The following ENTPD1 variants were observed in gnomAD, a reference collection of about 807,000 sequenced individuals.
ENTPD1 encodes the protein ectonucleoside triphosphate diphosphohydrolase 1, also known as ATP diphosphohydrolase.
A neutral mutation model predicts 57.0 loss-of-function variants in ENTPD1; 33 were observed. The observed-to-expected ratio is 0.58, with a 90% CI of 0.44 to 0.77. The LOEUF is 0.77. ENTPD1 is among the 30% of genes least tolerant of loss of function. ENTPD1 has a pLI of 0.00. For missense variants in ENTPD1, 501 were observed against 603.4 expected, an observed-to-expected ratio of 0.83 and a Z score of 1.78; for synonymous variants, 202 against 218.8, an observed-to-expected ratio of 0.92 and a Z score of 0.68.
chr10:95,831,169 C>A (rs2098395536), intron 2 of ENTPD1, among the ~76,000 whole-genome samples: 1 of 152,186 alleles, frequency 6.6e-6, no homozygotes, highest in Admixed American at 6.5e-5. Context: ...AGAGAAAACT[C>A]CGAATGCTTC....
intron 1 of ENTPD1, among the ~76,000 whole-genome samples, chr10:95,746,647 G>A (rs979488065): frequency 2.0e-5 from 3 of 152,122 alleles, no homozygotes; most frequent in African/African-American, 7.2e-5. Flanking sequence ...AAGGGACGGG[G>A]CATTTTTTGA....
chr10:95,799,649 A>G (rs2098240606), intron 1 of ENTPD1, among the ~76,000 whole-genome samples: 1 of 152,196 alleles, frequency 6.6e-6, no homozygotes, highest in South Asian at 2.1e-4. Flanking sequence ...TTGGGTATAT[A>G]TCCAGTAATG....
intron 6 of ENTPD1, chr10:95,846,413 AC>A (rs1199775066): frequency 2.6e-5 from 4 of 152,188 alleles, no homozygotes; most frequent in Admixed American, 2.6e-4. Flanking sequence ...GAAAAAGAAA[AC>A]AAAAGTTAAA....
At chr10:95,697,773 G>T in the ENTPD1 span, among the ~76,000 whole-genome samples, 1 of 152,292 alleles carries the variant, frequency 6.6e-6, no homozygotes, top group South Asian at 2.1e-4. Flanking sequence ...TGTAAGAAAT[G>T]AATTCCTTTT....
intron 1 of ENTPD1, among the ~76,000 whole-genome samples, chr10:95,790,239 T>C (rs1049338989): frequency 5.3e-5 from 8 of 152,234 alleles, no homozygotes; most frequent in African/African-American, 1.7e-4. Flanking sequence ...GGGTTATAAA[T>C]GTATTTTCAC....
Position 95,872,044 on chromosome 10 carries a change from C to T in ENTPD1, c.*5661C>T, listed in dbSNP as rs1590234019. 2.1e-5 allele frequency: 21 copies of T among 985,428 alleles called. No homozygotes were observed. Among genetic ancestry groups the T allele is most frequent in the Non-Finnish European group, 2.5e-5 (21 of 829,924 alleles). The allele number at this position is 985,428 out of a possible 1,614,324, so 61.0% of individuals were successfully genotyped here. Reference sequence around the variant, plus strand: ...TGCCTCAATGAACCAAGATCAGCTCCATCACTGGGACCTCCCCATTCTGCC... The same window carrying T: ...TGCCTCAATGAACCAAGATCAGCTCTATCACTGGGACCTCCCCATTCTGCC... On this transcript the variant is annotated 3_prime_UTR_variant, in exon 10 of 10. Coordinates refer to ENST00000371205, the MANE Select transcript of ENTPD1 (RefSeq NM_001776.6).
rs1028875527 is a variant in ENTPD1 at position 95,867,390 on chromosome 10, T to C, written c.*1007T>C. On this transcript the variant is annotated 3_prime_UTR_variant, in exon 10 of 10. Coordinates refer to ENST00000371205, the MANE Select transcript of ENTPD1 (RefSeq NM_001776.6). ...GACTATCCTGGGTAGGCAGAAACCATAGATCTTTTGTGTTTACAGCTATGG... is the reference window on the plus strand; with the variant it reads ...GACTATCCTGGGTAGGCAGAAACCACAGATCTTTTGTGTTTACAGCTATGG... 4.1e-6 allele frequency: 4 copies of C among 985,324 alleles called. No homozygotes were observed. The highest frequency in any genetic ancestry group is 6.1e-5 in the Admixed American group (1 of 16,262). The allele number at this position is 985,324 out of a possible 1,614,324, so 61.0% of individuals were successfully genotyped here.
At position 95,869,189 on chromosome 10, in the gene ENTPD1, GT is replaced by G. The variant is rs372882297; in HGVS notation, c.*2814del. The G allele has an allele frequency of 5.1e-6, 5 of 977,264 alleles. No homozygotes were observed. The South Asian group carries it at 1.4e-4, about 28-fold the overall frequency. 60.5% of individuals were successfully genotyped at this position (977,264 alleles called of 1,614,324 possible). ...TTAAAGATTCCTTTATAAGGTGGGAGTTTTTTTTCTATGAACCTATAGGGGA... is the reference window on the plus strand; with the variant it reads ...TTAAAGATTCCTTTATAAGGTGGGAGTTTTTTTCTATGAACCTATAGGGGA... On this transcript the variant is annotated 3_prime_UTR_variant, in exon 10 of 10. Transcript: ENST00000371205.
Position 95,876,948 on chromosome 10 carries a change from A to T in ENTPD1, c.*10565A>T, listed in dbSNP as rs1345150799. The stretch of plus-strand genomic sequence containing the variant: ...GAATCATTATGTGATGCAACATGGC[A>T]AAAGTATACAGACAGTGCATCCAGA... On this transcript the variant is annotated 3_prime_UTR_variant, in exon 10 of 10. Transcript: ENST00000371205. 6.6e-6 allele frequency among the ~76,000 whole-genome samples: 1 copy of T among 152,228 alleles called. No homozygotes were observed. Among genetic ancestry groups the T allele is most frequent in the Non-Finnish European group, 1.5e-5 (1 of 68,046 alleles).
At chr10:95,830,278 A>T (rs956761413) in intron 2 of ENTPD1, among the ~76,000 whole-genome samples, 2 of 152,162 alleles carry the variant, frequency 1.3e-5, no homozygotes, top group Admixed American at 1.3e-4. Flanking sequence ...TCAGCAGCTC[A>T]GTATGGTTAG....
At chr10:95,710,527 A>T (rs1323722320), upstream of ENTPD1, among the ~76,000 whole-genome samples, 12 of 152,312 alleles carry the variant, frequency 7.9e-5, no homozygotes, top group East Asian at 2.3e-3. Context: ...TAGAAAACAA[A>T]TGTTTAGTAG....
At chr10:95,825,358 T>C (rs2098370918) in intron 2 of ENTPD1, among the ~76,000 whole-genome samples, 1 of 152,232 alleles carries the variant, frequency 6.6e-6, no homozygotes, top group Non-Finnish European at 1.5e-5. Context: ...TTATAAAATC[T>C]AGAATAAGAA....
Position 95,875,896 on chromosome 10 carries a change from G to C in ENTPD1, c.*9513G>C, listed in dbSNP as rs2098485284. On this transcript the variant is annotated 3_prime_UTR_variant, in exon 10 of 10. Transcript: ENST00000371205. ...CCCCTTGATTCAATTACCTCCCCCTGGGTCCTGTGGGAATTCTGGAAGGTA... is the reference window on the plus strand; with the variant it reads ...CCCCTTGATTCAATTACCTCCCCCTCGGTCCTGTGGGAATTCTGGAAGGTA... 2 of 848,584 alleles carry C rather than the reference G, an allele frequency of 2.4e-6. No individual in the cohort carries two copies. Among genetic ancestry groups the C allele is most frequent in the Middle Eastern group, 6.1e-4 (1 of 1,632 alleles). 52.6% of individuals were successfully genotyped at this position (848,584 alleles called of 1,614,324 possible).
chr10:95,788,146 T>G (rs2098188018), intron 1 of ENTPD1, among the ~76,000 whole-genome samples: 1 of 152,164 alleles, frequency 6.6e-6, no homozygotes, highest in Non-Finnish European at 1.5e-5. Flanking sequence ...GACTAGTTCA[T>G]CTAGGCATTA....
In ENTPD1 at chr10:95,841,401, A is replaced by G. The variant is rs532046571; in HGVS notation, c.263-943A>G. Among the ~76,000 whole-genome samples, 20 of 152,080 alleles carry G rather than the reference A, an allele frequency of 1.3e-4. 1 individual carries two copies. In the South Asian group the frequency reaches 3.9e-3, roughly 30 times the overall value. ...GACTCCGTCTCAAAAAAAAAAATCT[A>G]GCAGATGTCCTTCTTCTGAGACTTA... On this transcript the variant is annotated intron_variant, in intron 3 of 9. Coordinates refer to ENST00000371205, the MANE Select transcript of ENTPD1 (RefSeq NM_001776.6).
Position 95,870,731 on chromosome 10 carries a change from C to T in ENTPD1, c.*4348C>T, listed in dbSNP as rs141361958. On this transcript the variant is annotated 3_prime_UTR_variant, in exon 10 of 10. Transcript: ENST00000371205. ...TCTCTGATTCAAATACCAATAGTTG[C>T]TCTGATTCAAATTCCAACTGTTAGA... The T allele has an allele frequency of 3.0e-6, 3 of 985,462 alleles. No homozygotes were observed. Among genetic ancestry groups the T allele is most frequent in the East Asian group, 1.1e-4 (1 of 8,822 alleles). The allele number at this position is 985,462 out of a possible 1,614,324, so 61.0% of individuals were successfully genotyped here.
chr10:95,739,815 A>G lies in ENTPD1; in HGVS notation c.37+27822A>G, dbSNP rs575957905. ...CCCACATCCAACAGAGGAACTATCT[A>G]TGATGGCTACAGACTTATGAAATGT... On this transcript the variant is annotated intron_variant, in intron 1 of 9. Coordinates refer to the ENTPD1 transcript ENST00000453258. 9.8e-5 allele frequency among the ~76,000 whole-genome samples: 15 copies of G among 152,356 alleles called. 1 individual carries two copies. In the South Asian group the frequency reaches 2.3e-3, roughly 23 times the overall value.
chr10:95,801,688 G>A (rs557587800), intron 1 of ENTPD1, among the ~76,000 whole-genome samples: 1 of 152,132 alleles, frequency 6.6e-6, no homozygotes, highest in South Asian at 2.1e-4. Context: ...ATTGGTCTAT[G>A]TGTCTGATTT....
chr10:95,872,196 A>C lies in ENTPD1; in HGVS notation c.*5813A>C, dbSNP rs1314839906. The C allele has an allele frequency of 9.1e-6, 9 of 985,342 alleles. No individual in the cohort carries two copies. The Admixed American group carries it at 5.5e-4, about 61-fold the overall frequency. 61.0% of individuals were successfully genotyped at this position (985,342 alleles called of 1,614,324 possible). On this transcript the variant is annotated 3_prime_UTR_variant, in exon 10 of 10. Coordinates refer to ENST00000371205, the MANE Select transcript of ENTPD1 (RefSeq NM_001776.6). ...GTGTTGCTTCCAATCTGTTGCTGCT[A>C]GATTAATCTTTGCAAAGCACAGGCT...
Sources: allele counts gnomAD v4.1 joint callset (sites outside exome capture counted in the v4.1 genomes callset), GRCh38; gene constraint gnomAD v4.1.1; transcripts MANE v1.5; gene names NCBI Gene and HGNC (gene_info 2026-07-23, HGNC 2026-07-21).